Variants in THSD4 observed in about 807,000 individuals in gnomAD.
THSD4 encodes thrombospondin type-1 domain-containing protein 4.
Under a neutral mutation model 119.0 loss-of-function variants are expected in THSD4, and 69 were observed. The observed-to-expected ratio is 0.58, with a 90% CI of 0.48 to 0.71. THSD4 has a LOEUF of 0.71. THSD4 is among the 30% of genes least tolerant of loss of function. The pLI is 0.00. For synonymous variants in THSD4, 524 were observed against 540.4 expected (o/e 0.97, Z 0.42); for missense variants, 1,393 against 1,391.1 (o/e 1.00, Z -0.02).
At chr15:71,238,138 A>T (rs916238439) in intron 4 of THSD4, among the ~76,000 whole-genome samples, 4 of 152,150 alleles carry the variant, frequency 2.6e-5, no homozygotes, top group Non-Finnish European at 2.9e-5. Context: ...AAAATCACAC[A>T]TGATGCTCAA....
chr15:71,110,504 T>G (rs2040295161), upstream of THSD4: 1 of 152,994 alleles, frequency 6.5e-6, no homozygotes, highest in African/African-American at 2.4e-5. Flanking sequence ...TGCACAGCAC[T>G]CCTTTCTCAA....
chr15:71,660,107 T>G (rs1425540218), intron 7 of THSD4, among the ~76,000 whole-genome samples: 1 of 152,202 alleles, frequency 6.6e-6, no homozygotes, highest in African/African-American at 2.4e-5. Flanking sequence ...GGTACTTTGC[T>G]AAGAGTAGCA....
At chr15:71,450,263 G>T (rs948806969) in intron 7 of THSD4, among the ~76,000 whole-genome samples, 5 of 152,168 alleles carry the variant, frequency 3.3e-5, no homozygotes, top group African/African-American at 1.2e-4. Context: ...GGAAGCTTAG[G>T]CCTGGAAAAA....
intron 6 of THSD4, among the ~76,000 whole-genome samples, chr15:71,404,231 G>A (rs1453162187): frequency 1.3e-5 from 2 of 152,060 alleles, no homozygotes; most frequent in Non-Finnish European, 2.9e-5. Flanking sequence ...ATACCTATTA[G>A]CAGTCACTCC....
At chr15:71,585,877 A>C (rs2049658647) in intron 7 of THSD4, among the ~76,000 whole-genome samples, 1 of 149,950 alleles carries the variant, frequency 6.7e-6, no homozygotes, top group Non-Finnish European at 1.5e-5. Flanking sequence ...TTGTTGAAGC[A>C]CTCTATTGAT....
At chr15:71,610,850 TG>T (rs1382693512) in intron 7 of THSD4, among the ~76,000 whole-genome samples, 3 of 152,104 alleles carry the variant, frequency 2.0e-5, no homozygotes, top group Non-Finnish European at 4.4e-5. Flanking sequence ...AGTTATGTCA[TG>T]GGATGGGGAG....
intron 6 of THSD4, among the ~76,000 whole-genome samples, chr15:71,350,554 T>G (rs2045731052): frequency 6.6e-6 from 1 of 152,178 alleles, no homozygotes; most frequent in Non-Finnish European, 1.5e-5. Context: ...TTTTTTGACT[T>G]GAATTTTTAT....
chr15:71,154,773 T>A (rs976899316), intron 2 of THSD4, 90 bp from the exon 3 acceptor site: 3 of 1,294,370 alleles, frequency 2.3e-6, no homozygotes, highest in African/African-American at 2.9e-5. Flanking sequence ...TCCCCCCCCA[T>A]CCACTGATGA....
chr15:71,215,083 G>A lies in THSD4; in HGVS notation c.148G>A (p.Gly50Ser), dbSNP rs2043919886. ...GGGCGCCCCCGAGGACGACGGCGGCGGCGGCGCCCCGGGAGTGTGGGGCGC... is the reference window on the plus strand; with the variant it reads ...GGGCGCCCCCGAGGACGACGGCGGCAGCGGCGCCCCGGGAGTGTGGGGCGC... The part of the protein sequence containing the change: ...AEGAPEDDGG[G>S]GAPGVWGAWG... The change falls in exon 4 of 18, where the codon GGC becomes AGC. Residue 50 changes from glycine to serine, a missense_variant. Physicochemically the swap from Gly to Ser is moderately conservative, Grantham distance 56 (BLOSUM62 0). Coordinates refer to ENST00000261862, the MANE Select transcript of THSD4 (RefSeq NM_024817.3). 10 of 1,304,242 alleles carry A rather than the reference G, an allele frequency of 7.7e-6. No homozygotes were observed. Among genetic ancestry groups the A allele is most frequent in the Non-Finnish European group, 9.8e-6 (10 of 1,025,410 alleles). 80.8% of individuals were successfully genotyped at this position (1,304,242 alleles called of 1,614,324 possible). A position where few individuals can be genotyped will look rare whatever the true frequency, so the allele number is the denominator to read the frequency against.
chr15:71,647,887 C>T (rs952652847), intron 7 of THSD4, among the ~76,000 whole-genome samples: 15 of 152,142 alleles, frequency 9.9e-5, no homozygotes, highest in Admixed American at 9.2e-4. Flanking sequence ...GGCCAGGCCT[C>T]GTGGGAGGGG....
chr15:71,318,240 A>G (rs1399455309), intron 6 of THSD4, among the ~76,000 whole-genome samples: 1 of 152,204 alleles, frequency 6.6e-6, no homozygotes, highest in Non-Finnish European at 1.5e-5. Context: ...ATTCAAGACA[A>G]CTGAGCCTCC....
At chr15:71,101,816 C>T (rs142694088) in intron 1 of THSD4, among the ~76,000 whole-genome samples, 1,717 of 151,960 alleles carry the variant, frequency 0.011, 34 homozygotes, top group African/African-American at 0.038. Context: ...CAGGCTCAAG[C>T]GATTCTCGTG....
chr15:71,736,099 C>CTG (rs149597423), intron 10 of THSD4, among the ~76,000 whole-genome samples: 4 of 92,818 alleles, frequency 4.3e-5, no homozygotes, highest in African/African-American at 7.2e-5. Context: ...CTCTCTCTTG[C>CTG]TCTCTGTCTC....
In THSD4 at chr15:71,366,040, C is replaced by A. The variant is rs191964050; in HGVS notation, c.1016-45647C>A. On this transcript the variant is annotated intron_variant, in intron 6 of 17. Coordinates refer to ENST00000261862, the MANE Select transcript of THSD4 (RefSeq NM_024817.3). ...TCTTGCTGTCCTTTCACACATCCTCCCTCCTACTTGTGTCCCAGGTTTTTT... is the reference window on the plus strand; with the variant it reads ...TCTTGCTGTCCTTTCACACATCCTCACTCCTACTTGTGTCCCAGGTTTTTT... Among the ~76,000 whole-genome samples, 114 of 152,202 alleles carry A rather than the reference C, an allele frequency of 7.5e-4. 1 individual carries two copies. Among genetic ancestry groups the A allele is most frequent in the African/African-American group, 2.6e-3 (110 of 41,532 alleles).
intron 7 of THSD4, among the ~76,000 whole-genome samples, chr15:71,440,452 C>T (rs2047074243): frequency 6.6e-6 from 1 of 152,166 alleles, no homozygotes; most frequent in South Asian, 2.1e-4. Flanking sequence ...TTGGTGTACT[C>T]ATGCTATTAT....
At chr15:71,697,378 G>A (rs2052186082) in intron 8 of THSD4, among the ~76,000 whole-genome samples, 1 of 152,212 alleles carries the variant, frequency 6.6e-6, no homozygotes, top group African/African-American at 2.4e-5. Flanking sequence ...CTGGGACACA[G>A]CAGCTTCAGT....
intron 7 of THSD4, among the ~76,000 whole-genome samples, chr15:71,611,899 G>T (rs1486196546): frequency 6.6e-6 from 1 of 152,122 alleles, no homozygotes; most frequent in Non-Finnish European, 1.5e-5. Flanking sequence ...GGGGAGGGGA[G>T]GATGGGAAAT....
intron 7 of THSD4, among the ~76,000 whole-genome samples, chr15:71,486,465 C>T (rs1478871292): frequency 2.6e-5 from 4 of 152,126 alleles, no homozygotes; most frequent in African/African-American, 7.2e-5. Flanking sequence ...ATCAGCTATC[C>T]GTAAATGCCC....
At chr15:71,529,402 C>T (rs2048576982) in intron 7 of THSD4, among the ~76,000 whole-genome samples, 1 of 152,148 alleles carries the variant, frequency 6.6e-6, no homozygotes, top group African/African-American at 2.4e-5. Context: ...TATGTTGTTA[C>T]TGTGGGAAAA....
Sources: allele counts gnomAD v4.1 joint callset (sites outside exome capture counted in the v4.1 genomes callset), GRCh38; gene constraint gnomAD v4.1.1; transcripts MANE v1.5; gene names NCBI Gene and HGNC (gene_info 2026-07-23, HGNC 2026-07-21).